INF2: variants seen among roughly 807,000 people sequenced by gnomAD.
INF2 encodes the protein inverted formin 2.
A neutral mutation model predicts 123.5 loss-of-function variants in INF2; 43 were observed. That is an observed-to-expected ratio of 0.35 (90% CI 0.27 to 0.45). The LOEUF (loss-of-function observed/expected upper bound fraction) is 0.45, where lower values mean the gene tolerates loss of function less well. INF2 is among the 20% of genes least tolerant of loss of function. INF2 has a pLI of 1.00. For missense variants in INF2, 1,453 were observed against 1,682.7 expected (o/e 0.86, Z 2.39); for synonymous variants, 851 against 745.0 (o/e 1.14, Z -2.32).
In INF2 at chr14:104,695,427, C is replaced by T. The variant is rs149287557; in HGVS notation, c.-10+5688C>T. 3.3e-5 allele frequency among the ~76,000 whole-genome samples: 5 copies of T among 152,250 alleles called. No homozygotes were observed. In the East Asian group the frequency reaches 9.7e-4, roughly 29 times the overall value. ...GGCCCTGCTGTTTGTGCAGTGGAGA[C>T]ACTGTGGCCTGTAGAAGGCCCATTC... On this transcript the variant is annotated intron_variant, in intron 1 of 22. Transcript: ENST00000392634.
intron 5 of INF2, among the ~76,000 whole-genome samples, chr14:104,705,753 T>C (rs1188217918): frequency 6.6e-6 from 1 of 152,176 alleles, no homozygotes; most frequent in African/African-American, 2.4e-5. Context: ...CGTTACTCGA[T>C]GGGAGTGGGC....
intron 1 of INF2, among the ~76,000 whole-genome samples, chr14:104,700,658 C>T (rs1327765985): frequency 1.3e-5 from 2 of 152,108 alleles, no homozygotes; most frequent in Non-Finnish European, 2.9e-5. Flanking sequence ...GGGCCTGTTA[C>T]CTACCCGGGT....
chr14:104,686,747 G>A (rs942038338), upstream of INF2, among the ~76,000 whole-genome samples: 1 of 152,204 alleles, frequency 6.6e-6, no homozygotes, highest in Non-Finnish European at 1.5e-5. Flanking sequence ...GGGCCTGCAA[G>A]TGGCCGCCTG....
At position 104,681,977 on chromosome 14, in the gene INF2, G is replaced by A. The variant is rs569142359; in HGVS notation, c.-104+395G>A. On this transcript the variant is annotated intron_variant, in intron 1 of 2. Transcript: ENST00000674723. ...CTCTCCCAAGGCGGGAAGTGGGAGG[G>A]GCTGGGAGTCTCCAGGGAGGGGAGG... 7.2e-5 allele frequency among the ~76,000 whole-genome samples: 11 copies of A among 152,342 alleles called. No homozygotes were observed. In the East Asian group the frequency reaches 1.9e-3, roughly 27 times the overall value.
chr14:104,695,462 C>T (rs377008615), intron 1 of INF2, among the ~76,000 whole-genome samples: 59 of 152,176 alleles, frequency 3.9e-4, no homozygotes, highest in African/African-American at 1.4e-3. Context: ...CGGTGACTGG[C>T]GAGCCGCCCA....
rs1248121806 is a variant in INF2 at position 104,703,049 on chromosome 14, C to G, written c.392-56C>G. On this transcript the variant is annotated intron_variant, in intron 2 of 22. Transcript: ENST00000392634. ...AGCCCCAGCCCTGAGCCCAGCTGCA[C>G]AGGCATGGGAAGGGGTGCATTGGCC... The G allele has an allele frequency of 7.1e-6, 10 of 1,416,480 alleles. No individual in the cohort carries two copies. The Admixed American group carries it at 1.8e-4, about 25-fold the overall frequency. The allele number at this position is 1,416,480 out of a possible 1,614,324, so 87.7% of individuals were successfully genotyped here.
At chr14:104,716,012 A>G (rs191344713) in intron 22 of INF2, 51 of 453,172 alleles carry the variant, frequency 1.1e-4, no homozygotes, top group Admixed American at 5.7e-4. Flanking sequence ...AAGGTCAATC[A>G]GCCAGGTCCG....
chr14:104,689,648 C>T lies in INF2; in HGVS notation c.-101C>T, dbSNP rs1237640180. On this transcript the variant is annotated 5_prime_UTR_variant, in exon 1 of 23. Transcript: ENST00000392634. ...GAGCCACCGTCCGAGCCTTGCGGAG[C>T]GCGGCAGTGGGCGCCGGCTGCCCGC... 1 of 974,272 alleles carries T rather than the reference C, an allele frequency of 1.0e-6. No individual in the cohort carries two copies. The highest frequency in any genetic ancestry group is 1.2e-6 in the Non-Finnish European group (1 of 820,482). 60.4% of individuals were successfully genotyped at this position (974,272 alleles called of 1,614,324 possible).
At chr14:104,716,047 C>A in intron 22 of INF2, 1 of 436,614 alleles carries the variant, frequency 2.3e-6, no homozygotes, top group South Asian at 1.7e-5. Context: ...GAGGCCAATG[C>A]ATCCAGCTAG....
intron 1 of INF2, among the ~76,000 whole-genome samples, chr14:104,698,403 C>T (rs1022932204): frequency 6.6e-6 from 1 of 152,252 alleles, no homozygotes; most frequent in African/African-American, 2.4e-5. Context: ...CACCGCCACC[C>T]GCGTTTAGCA....
chr14:104,701,741 C>G lies in INF2; in HGVS notation c.376C>G (p.Arg126Gly). ...CATCCTCAGCAACCAGGGCTACGTG[C>G]GCCAGCTCTCCCAGGGTGAGCCGCA... ...EYILSNQGYV[R>G]QLSQALDTSN... Residue 126 changes from arginine (R) to glycine (G), a missense_variant, in exon 2 of 23, where the codon CGC becomes GGC. Physicochemically the swap from Arg to Gly is moderately radical, Grantham distance 125. Coordinates refer to ENST00000392634, the MANE Select transcript of INF2 (RefSeq NM_022489.4). The G allele has an allele frequency of 6.6e-7, 1 of 1,517,006 alleles. No individual in the cohort carries two copies. Among genetic ancestry groups the G allele is most frequent in the Non-Finnish European group, 8.8e-7 (1 of 1,131,286 alleles). 94.0% of individuals were successfully genotyped at this position (1,517,006 alleles called of 1,614,324 possible).
At position 104,714,579 on chromosome 14, in the gene INF2, C is replaced by T. The variant is rs753095805; in HGVS notation, c.3417C>T (p.Gly1139=). 8 of 1,612,616 alleles carry T rather than the reference C, an allele frequency of 5.0e-6. No individual in the cohort carries two copies. Among genetic ancestry groups the T allele is most frequent in the East Asian group, 4.5e-5 (2 of 44,862 alleles). The change falls in exon 21 of 23, where the codon GGC becomes GGT. Residue 1139 remains glycine (G), a synonymous_variant. Coordinates refer to ENST00000392634, the MANE Select transcript of INF2 (RefSeq NM_022489.4). ...QDAKDPTSLL[G]VLQAEADSTS... is the part of the protein sequence containing the mutation. ...CCAAGGATCCCACGTCCTTGCTGGG[C>T]GTCCTCCAGGCCGAGGCCGACAGCA...
At position 104,707,773 on chromosome 14, in the gene INF2, A is replaced by T; in HGVS notation, c.1506A>T (p.Pro502=). Reference sequence around the variant, plus strand: ...TCCCGGGCTTGGGATGCCCGCCCCCACCCCCACCCCTGCTGCCTGGTATGG... The same window carrying T: ...TCCCGGGCTTGGGATGCCCGCCCCCTCCCCCACCCCTGCTGCCTGGTATGG... ...PPLPGLGCPP[P]PPPLLPGMGW... Residue 502 remains proline, a synonymous_variant, in exon 8 of 23, where the codon CCA becomes CCT. Transcript: ENST00000392634. 1 of 354,428 alleles carries T rather than the reference A, an allele frequency of 2.8e-6. No individual in the cohort carries two copies. The highest frequency in any genetic ancestry group is 4.5e-6 in the Non-Finnish European group (1 of 219,860). The allele number at this position is 354,428 out of a possible 1,614,324, so 22.0% of individuals were successfully genotyped here. A position where few individuals can be genotyped will look rare whatever the true frequency, so the allele number is the denominator to read the frequency against.
rs1324424829 is a variant in INF2, at chr14:104,707,020, C to G, written c.954C>G (p.Leu318=). 1 of 1,589,446 alleles carries G rather than the reference C, an allele frequency of 6.3e-7. No homozygotes were observed. The highest frequency in any genetic ancestry group is 8.5e-7 in the Non-Finnish European group (1 of 1,175,456). ...SQLLWEALES[L]VNRAVLLASD... ...TGCTCTGGGAGGCCCTGGAGAGCCT[C>G]GTGAACCGGGCCGTGCTCCTGGCCA... The change falls in exon 7 of 23, where the codon CTC becomes CTG. Residue 318 remains leucine, a synonymous_variant. Transcript: ENST00000392634.
At chr14:104,702,915 G>T (rs545093506) in intron 2 of INF2, among the ~76,000 whole-genome samples, 190 bp from the exon 3 acceptor site, 1 of 152,366 alleles carries the variant, frequency 6.6e-6, no homozygotes, top group South Asian at 2.1e-4. Context: ...TGTGGTCCAG[G>T]AGCAGGGCCA....
At chr14:104,687,533 T>C (rs970641516), upstream of INF2, among the ~76,000 whole-genome samples, 2 of 151,894 alleles carry the variant, frequency 1.3e-5, no homozygotes, top group African/African-American at 4.8e-5. This position sits in a 1 kb window ranked among gnomAD's most constrained non-coding sequence, Gnocchi z 5.6. Flanking sequence ...AGCCCTCCTC[T>C]GCACTCCCTG....
At chr14:104,712,163 T>A (rs993303459) in intron 16 of INF2, among the ~76,000 whole-genome samples, 3 of 152,050 alleles carry the variant, frequency 2.0e-5, no homozygotes, top group Non-Finnish European at 2.9e-5. Flanking sequence ...CCACCTGCCC[T>A]GGAAGGTTCT....
chr14:104,709,430 C>A, intron 11 of INF2, 47 bp downstream of exon 11: 3 of 1,480,128 alleles, frequency 2.0e-6, no homozygotes, highest in South Asian at 2.3e-5. Context: ...TGCCACCAAC[C>A]AAGGGAGAGG....
At chr14:104,703,568 G>A in intron 4 of INF2, 114 bp downstream of exon 4, 1 of 1,409,432 alleles carries the variant, frequency 7.1e-7, no homozygotes, top group Non-Finnish European at 9.9e-7. Context: ...CCCGACCCAG[G>A]GCCCCAGAGG....
Sources: gnomAD v4.1 joint callset for allele counts (sites outside exome capture counted in the v4.1 genomes callset) on GRCh38, gnomAD v4.1.1 for gene constraint, Gnocchi (gnomAD v3.1) non-coding constraint, MANE v1.5 for transcripts, NCBI Gene and HGNC (gene_info 2026-07-23, HGNC 2026-07-21) for gene names.